EIF3E: variants seen among roughly 807,000 people sequenced by gnomAD.
The protein encoded by EIF3E is eukaryotic translation initiation factor 3 subunit E.
In EIF3E, 25 loss-of-function variants were observed where a neutral mutation model predicts 59.3. The observed-to-expected ratio is 0.42, with a 90% CI of 0.31 to 0.59. The LOEUF is 0.59. Ranked by LOEUF, EIF3E falls within the 20% of genes least tolerant of loss-of-function variation. The pLI is 0.15. For missense variants in EIF3E, 317 were observed against 534.3 expected, an observed-to-expected ratio of 0.59 and a Z score of 4.01; for synonymous variants, 176 against 170.2, an observed-to-expected ratio of 1.03 and a Z score of -0.26.
At chr8:108,230,482 T>C (rs1180659439) in intron 5 of EIF3E, among the ~76,000 whole-genome samples, 2 of 152,000 alleles carry the variant, frequency 1.3e-5, no homozygotes, top group East Asian at 3.9e-4. Flanking sequence ...CGTAAATTTA[T>C]ATTTATCTAT....
At chr8:108,229,289 A>T in intron 5 of EIF3E, 94 bp from the exon 6 acceptor site, 2 of 1,257,994 alleles carry the variant, frequency 1.6e-6, no homozygotes, top group Non-Finnish European at 2.2e-6. Context: ...TAGCCTACTA[A>T]AAGACCTATA....
chr8:108,202,847 G>T, intron 12 of EIF3E, 136 bp downstream of exon 12: 2 of 1,043,000 alleles, frequency 1.9e-6, no homozygotes, highest in Non-Finnish European at 2.6e-6. Context: ...TTTCTGTTTA[G>T]TAATTTCTTA....
intron 1 of EIF3E, chr8:108,243,231 G>A (rs1445301360): frequency 6.6e-6 from 1 of 152,156 alleles, no homozygotes; most frequent in Non-Finnish European, 1.5e-5. Flanking sequence ...GGTGGTAAAT[G>A]CTTAACTCCA....
At chr8:108,240,208 G>A in intron 2 of EIF3E, 133 bp from the exon 3 acceptor site, 1 of 754,114 alleles carries the variant, frequency 1.3e-6, no homozygotes, top group Admixed American at 1.9e-5. Flanking sequence ...ATATTCATAT[G>A]CCATGGGCTA....
At chr8:108,216,115 G>A (rs1224228848) in intron 9 of EIF3E, among the ~76,000 whole-genome samples, 1 of 152,120 alleles carries the variant, frequency 6.6e-6, no homozygotes, top group Admixed American at 6.6e-5. Context: ...GGATATGTCT[G>A]TAAATTTAAA....
chr8:108,245,122 C>G (rs926920989), intron 1 of EIF3E, among the ~76,000 whole-genome samples: 1 of 148,784 alleles, frequency 6.7e-6, no homozygotes, highest in Non-Finnish European at 1.5e-5. Context: ...ACCCTCACTG[C>G]CCCCCCCTCC....
chr8:108,213,244 A>C (rs990407796), intron 10 of EIF3E, among the ~76,000 whole-genome samples: 8 of 152,236 alleles, frequency 5.3e-5, no homozygotes, highest in African/African-American at 1.9e-4. Flanking sequence ...GAGCTACAAC[A>C]AATCTTATTG....
At chr8:108,212,020 T>C (rs866332278) in intron 10 of EIF3E, among the ~76,000 whole-genome samples, 1 of 152,210 alleles carries the variant, frequency 6.6e-6, no homozygotes, top group Admixed American at 6.5e-5. Context: ...TGAGGTACAG[T>C]ACAATGAATG....
In EIF3E at chr8:108,216,438, G is replaced by A; in HGVS notation, c.925C>T (p.Gln309Ter). Residue 309 changes from glutamine to a stop codon, truncating the protein, a stop_gained, in exon 9 of 13, where the codon CAG becomes TAG. Coordinates refer to ENST00000220849, the MANE Select transcript of EIF3E (RefSeq NM_001568.3). LOFTEE classifies it high-confidence loss of function. ...GATTCACATTCCCTCAGCTTTTTCTGAGCCCCATCAAAGTCAAAGTTAACA... is the reference window on the plus strand; with the variant it reads ...GATTCACATTCCCTCAGCTTTTTCTAAGCCCCATCAAAGTCAAAGTTAACA... ...LYVNFDFDGA[Q>*]KKLRECESVL... 1 of 1,610,134 alleles carries A rather than the reference G, an allele frequency of 6.2e-7. No individual in the cohort carries two copies. Among genetic ancestry groups the A allele is most frequent in the Non-Finnish European group, 8.5e-7 (1 of 1,178,714 alleles).
chr8:108,217,266 T>C, intron 8 of EIF3E, 68 bp downstream of exon 8: 1 of 1,256,432 alleles, frequency 8.0e-7, no homozygotes, highest in Non-Finnish European at 1.1e-6. Context: ...AGTCTTACCT[T>C]AGAAAAAGAG....
intron 5 of EIF3E, 25 bp downstream of exon 5, chr8:108,234,973 A>AC: frequency 7.0e-7 from 1 of 1,426,816 alleles, no homozygotes; most frequent in Middle Eastern, 2.0e-4. Context: ...AAAAAAAAAA[A>AC]AAAAAAACAT....
intron 4 of EIF3E, among the ~76,000 whole-genome samples, chr8:108,235,511 T>C (rs1365499429): frequency 2.6e-5 from 4 of 152,242 alleles, no homozygotes; most frequent in African/African-American, 4.8e-5. Context: ...AAAGCTCACA[T>C]GGTAATGCTT....
chr8:108,239,080 G>A (rs1262505351), intron 3 of EIF3E, among the ~76,000 whole-genome samples: 1 of 152,156 alleles, frequency 6.6e-6, no homozygotes, highest in Non-Finnish European at 1.5e-5. Context: ...GCTTGGAAGG[G>A]TATGAAAGAA....
At chr8:108,218,262 C>T (rs772028801) in intron 7 of EIF3E, among the ~76,000 whole-genome samples, 6 of 152,144 alleles carry the variant, frequency 3.9e-5, no homozygotes, top group Non-Finnish European at 7.4e-5. Context: ...CATCACACTA[C>T]CATTGACAGC....
intron 1 of EIF3E, among the ~76,000 whole-genome samples, chr8:108,248,355 C>T (rs1457456848): frequency 1.3e-5 from 2 of 152,142 alleles, no homozygotes; most frequent in Non-Finnish European, 2.9e-5. Context: ...TGCGAAAATC[C>T]CTCCCGCACT....
chr8:108,220,220 G>T (rs1243172347), intron 7 of EIF3E, among the ~76,000 whole-genome samples: 1 of 151,828 alleles, frequency 6.6e-6, no homozygotes, highest in Non-Finnish European at 1.5e-5. Context: ...CAACTGACAA[G>T]CATATTATTT....
At chr8:108,202,403 C>T (rs1488322186) in intron 12 of EIF3E, among the ~76,000 whole-genome samples, 2 of 152,024 alleles carry the variant, frequency 1.3e-5, no homozygotes, top group Non-Finnish European at 2.9e-5. Flanking sequence ...TTCCTACCCT[C>T]CAGTTACACA....
At chr8:108,210,106 C>CA in intron 10 of EIF3E, among the ~76,000 whole-genome samples, 1 of 150,638 alleles carries the variant, frequency 6.6e-6, no homozygotes, top group African/African-American at 2.4e-5. Flanking sequence ...TTTTAAAACA[C>CA]AGTCTATGGG....
Position 108,241,815 on chromosome 8 carries a change from A to G in EIF3E, c.189T>C (p.Ser63=). ...AAAACTTACCATGAGGAATATCATC[A>G]GAATAAAGGTTTTTGTATACATCCA... The part of the protein sequence containing the change: ...FAMDVYKNLY[S]DDIPHALREK... The change falls in exon 2 of 13, where the codon TCT becomes TCC. Residue 63 remains serine, a synonymous_variant. Coordinates refer to ENST00000220849, the MANE Select transcript of EIF3E (RefSeq NM_001568.3). The G allele has an allele frequency of 6.3e-7, 1 of 1,575,418 alleles. No individual in the cohort carries two copies. The highest frequency in any genetic ancestry group is 1.2e-5 in the South Asian group (1 of 83,452).
Sources: gnomAD v4.1 joint callset for allele counts (sites outside exome capture counted in the v4.1 genomes callset) on GRCh38, gnomAD v4.1.1 for gene constraint, MANE v1.5 for transcripts, NCBI Gene and HGNC (gene_info 2026-07-23, HGNC 2026-07-21) for gene names.